The following DPYD variants were observed in gnomAD, a reference collection of about 807,000 sequenced individuals.
The protein encoded by DPYD is dihydropyrimidine dehydrogenase.
DPYD carries 109 observed loss-of-function variants against 116.2 expected under a neutral mutation model. The observed-to-expected ratio is 0.94, with a 90% CI of 0.80 to 1.10. The LOEUF (loss-of-function observed/expected upper bound fraction) is 1.10, where lower values mean the gene tolerates loss of function less well. Among genes scored for constraint, DPYD ranks in the 50% least tolerant of loss-of-function variants. The probability of loss-of-function intolerance (pLI) is 0.00; values close to 1 mark genes in which losing one functional copy is unlikely to be tolerated. For synonymous variants in DPYD, 440 were observed against 432.0 expected (o/e 1.02, Z -0.23); for missense variants, 1,302 against 1,254.5 (o/e 1.04, Z -0.57).
chr1:97,761,162 T>C (rs1479465137), intron 3 of DPYD, among the ~76,000 whole-genome samples: 1 of 151,762 alleles, frequency 6.6e-6, no homozygotes, highest in Non-Finnish European at 1.5e-5. Context: ...AATCACAGAG[T>C]TGTTAGTTCA....
intron 3 of DPYD, among the ~76,000 whole-genome samples, chr1:97,755,039 T>A (rs1288576387): frequency 6.6e-6 from 1 of 152,180 alleles, no homozygotes; most frequent in Non-Finnish European, 1.5e-5. Flanking sequence ...TTGAAAGCAC[T>A]TGTTACTATC....
At chr1:97,200,893 C>T (rs1659156181) in intron 19 of DPYD, among the ~76,000 whole-genome samples, 1 of 152,094 alleles carries the variant, frequency 6.6e-6, no homozygotes, top group Non-Finnish European at 1.5e-5. Context: ...TATCATCGTA[C>T]AGCAGTTCTA....
chr1:97,514,797 C>G (rs1421972135), intron 13 of DPYD, among the ~76,000 whole-genome samples: 1 of 151,554 alleles, frequency 6.6e-6, no homozygotes, highest in Non-Finnish European at 1.5e-5. Context: ...CAGAGTAAGA[C>G]AGCCTTAATG....
intron 18 of DPYD, among the ~76,000 whole-genome samples, chr1:97,261,614 G>A (rs959880135): frequency 6.0e-5 from 9 of 150,456 alleles, no homozygotes; most frequent in Admixed American, 5.3e-4. Flanking sequence ...AAAATAGTTT[G>A]AGATGGCAGT....
chr1:97,814,729 C>A (rs1347367010), intron 3 of DPYD, among the ~76,000 whole-genome samples: 1 of 151,782 alleles, frequency 6.6e-6, no homozygotes. Context: ...CATGGTGAAA[C>A]CCCGTATCCA....
chr1:97,607,976 C>A (rs796081636), intron 8 of DPYD, among the ~76,000 whole-genome samples: 37 of 151,836 alleles, frequency 2.4e-4, no homozygotes, highest in African/African-American at 8.2e-4. Flanking sequence ...AGAACAAAAG[C>A]AACAAAACAC....
rs372184070 is a variant in DPYD, at chr1:97,737,972, T to A, written c.321+2420A>T. 7.9e-5 allele frequency among the ~76,000 whole-genome samples: 12 copies of A among 152,300 alleles called. No individual in the cohort carries two copies. The South Asian group carries it at 2.3e-3, about 29-fold the overall frequency. On this transcript the variant is annotated intron_variant, in intron 4 of 22. Coordinates refer to ENST00000370192, the MANE Select transcript of DPYD (RefSeq NM_000110.4). Reference sequence around the variant, plus strand: ...GTCAGCTTTTCTGTAACACATAGTATACATTTATTTATCTATACACAAAAG... The same window carrying A: ...GTCAGCTTTTCTGTAACACATAGTAAACATTTATTTATCTATACACAAAAG...
intron 12 of DPYD, among the ~76,000 whole-genome samples, chr1:97,532,089 A>T (rs2786785): frequency 0.39 from 59,095 of 151,686 alleles, 12,171 homozygotes; most frequent in African/African-American, 0.53. Flanking sequence ...TCTTCTTGTT[A>T]TCTGATATGG....
chr1:97,615,919 T>C (rs1365750461), intron 8 of DPYD, among the ~76,000 whole-genome samples: 1 of 152,162 alleles, frequency 6.6e-6, no homozygotes, highest in Non-Finnish European at 1.5e-5. Flanking sequence ...AGATTCCCTC[T>C]GACTGGCATG....
At chr1:97,894,431 T>G (rs951307686) in intron 1 of DPYD, among the ~76,000 whole-genome samples, 5 of 151,818 alleles carry the variant, frequency 3.3e-5, no homozygotes, top group Non-Finnish European at 5.9e-5. Context: ...TGTGGAAGTA[T>G]GCAAATACTA....
At chr1:97,487,702 C>A (rs1374850402) in intron 13 of DPYD, among the ~76,000 whole-genome samples, 1 of 151,900 alleles carries the variant, frequency 6.6e-6, no homozygotes, top group Non-Finnish European at 1.5e-5. Flanking sequence ...CAAGAAAAAA[C>A]AATGAGATAT....
intron 19 of DPYD, among the ~76,000 whole-genome samples, chr1:97,218,213 T>C (rs980040005): frequency 1.3e-5 from 2 of 152,134 alleles, no homozygotes; most frequent in Non-Finnish European, 2.9e-5. Context: ...CATTACAATA[T>C]ACATTAAAAG....
intron 2 of DPYD, among the ~76,000 whole-genome samples, chr1:97,876,161 T>C (rs1190202866): frequency 2.0e-5 from 3 of 151,988 alleles, no homozygotes; most frequent in Non-Finnish European, 4.4e-5. Flanking sequence ...TGACTGGTAG[T>C]GCAATTCAGA....
intron 3 of DPYD, among the ~76,000 whole-genome samples, chr1:97,801,030 C>G (rs191365564): frequency 1.3e-5 from 2 of 151,982 alleles, no homozygotes; most frequent in Admixed American, 1.3e-4. Flanking sequence ...ATTCTACAAC[C>G]TATTCCAATT....
intron 11 of DPYD, among the ~76,000 whole-genome samples, chr1:97,556,001 T>C (rs1475980184): frequency 6.6e-6 from 1 of 152,198 alleles, no homozygotes; most frequent in Non-Finnish European, 1.5e-5. Context: ...ATATGATTAA[T>C]TGGTTCCAGG....
intron 13 of DPYD, among the ~76,000 whole-genome samples, chr1:97,470,720 A>T (rs1307818718): frequency 1.3e-5 from 2 of 152,210 alleles, no homozygotes; most frequent in Non-Finnish European, 2.9e-5. Context: ...AACTAGGGCC[A>T]GGCACAGTGG....
intron 18 of DPYD, among the ~76,000 whole-genome samples, chr1:97,283,335 T>C (rs941570410): frequency 6.6e-6 from 1 of 152,160 alleles, no homozygotes; most frequent in Non-Finnish European, 1.5e-5. Context: ...TGGTTTAATC[T>C]ACTGGTTCTT....
At chr1:97,382,269 T>G in intron 15 of DPYD, 124 bp downstream of exon 15, 7 of 513,764 alleles carry the variant, frequency 1.4e-5, no homozygotes, top group Non-Finnish European at 2.0e-5. Context: ...ATAGAAATGT[T>G]TTAAGTTACA....
chr1:97,816,988 T>C (rs1268320809), intron 3 of DPYD, among the ~76,000 whole-genome samples: 1 of 152,180 alleles, frequency 6.6e-6, no homozygotes, highest in Non-Finnish European at 1.5e-5. Flanking sequence ...ATTTGAAATT[T>C]CTTCTAATGG....
Sources: gnomAD v4.1 joint callset for allele counts (sites outside exome capture counted in the v4.1 genomes callset) on GRCh38, gnomAD v4.1.1 for gene constraint, MANE v1.5 for transcripts, NCBI Gene and HGNC (gene_info 2026-07-23, HGNC 2026-07-21) for gene names.